The following RBFOX2 variants were observed in gnomAD, a reference collection of about 807,000 sequenced individuals.
RBFOX2 encodes the protein RNA binding fox-1 homolog 2.
A neutral mutation model predicts 49.1 loss-of-function variants in RBFOX2; 10 were observed. The ratio of observed to expected loss-of-function variants is 0.20; its 90% CI spans 0.13 to 0.35. RBFOX2 has a LOEUF of 0.35. RBFOX2 is among the 10% of genes least tolerant of loss of function. RBFOX2 has a pLI of 1.00. For synonymous variants in RBFOX2, 183 were observed against 187.4 expected (o/e 0.98, Z 0.19); for missense variants, 323 against 486.9 (o/e 0.66, Z 3.17).
At chr22:35,752,571 T>G in intron 9 of RBFOX2, 1 of 949,132 alleles carries the variant, frequency 1.1e-6, no homozygotes, top group Non-Finnish European at 1.3e-6. Flanking sequence ...TTCACTGCAA[T>G]CCACAATCTG....
At chr22:35,804,027 C>T (rs905115763) in intron 2 of RBFOX2, among the ~76,000 whole-genome samples, 23 of 152,164 alleles carry the variant, frequency 1.5e-4, no homozygotes, top group African/African-American at 5.6e-4. Flanking sequence ...TGCCTGTAAT[C>T]CCAGCACTTT....
rs531462754 is a variant in RBFOX2, at chr22:35,785,799, A to G, written c.253-4053T>C. ...GTTCTGTGAAAGTGTACGGTTTTCA[A>G]TTATCAGTCTTGGCACAATGCAGAC... On this transcript the variant is annotated intron_variant, in intron 2 of 11. Transcript: ENST00000405409. Among the ~76,000 whole-genome samples the G allele has an allele frequency of 6.6e-5, 10 of 152,340 alleles. No homozygotes were observed. The South Asian group carries it at 2.1e-3, about 32-fold the overall frequency.
intron 1 of RBFOX2, among the ~76,000 whole-genome samples, chr22:35,912,684 A>G (rs1479602433): frequency 6.6e-6 from 1 of 152,234 alleles, no homozygotes; most frequent in Admixed American, 6.5e-5. Flanking sequence ...TGTTAAACTT[A>G]TCATATAAAA....
chr22:35,885,700 CT>C (rs2046467506), intron 1 of RBFOX2, among the ~76,000 whole-genome samples: 1 of 151,956 alleles, frequency 6.6e-6, no homozygotes, highest in South Asian at 2.1e-4. Flanking sequence ...ACATAAGCTT[CT>C]GACTCTTACC....
chr22:35,994,410 TTTA>T (rs2058103578), intron 1 of RBFOX2: 1 of 150,826 alleles, frequency 6.6e-6, no homozygotes, highest in Non-Finnish European at 1.5e-5. Flanking sequence ...TATTTATTTA[TTTA>T]TTTATTTTTT....
At chr22:35,911,227 G>A (rs371590698) in intron 1 of RBFOX2, among the ~76,000 whole-genome samples, 18 of 152,150 alleles carry the variant, frequency 1.2e-4, no homozygotes, top group African/African-American at 4.3e-4. Context: ...CTATGGGTTG[G>A]GGGAAGGGAG....
chr22:35,890,463 C>T (rs983424525), intron 1 of RBFOX2, among the ~76,000 whole-genome samples: 4 of 152,088 alleles, frequency 2.6e-5, no homozygotes, highest in Non-Finnish European at 5.9e-5. Context: ...AAAAGTTACA[C>T]GAATGTGGTT....
At chr22:35,847,210 T>C (rs2041330026) in intron 1 of RBFOX2, among the ~76,000 whole-genome samples, 2 of 152,136 alleles carry the variant, frequency 1.3e-5, no homozygotes, top group Admixed American at 6.5e-5. Flanking sequence ...TTATAACTAA[T>C]AAAATAATCA....
chr22:35,864,453 A>C (rs1356283668), intron 1 of RBFOX2, among the ~76,000 whole-genome samples: 2 of 152,220 alleles, frequency 1.3e-5, no homozygotes, highest in African/African-American at 4.8e-5. Flanking sequence ...CAATAACTAG[A>C]GGGAACATAA....
At chr22:35,905,417 T>C (rs1289732019) in intron 1 of RBFOX2, among the ~76,000 whole-genome samples, 3 of 152,208 alleles carry the variant, frequency 2.0e-5, no homozygotes, top group Non-Finnish European at 4.4e-5. Flanking sequence ...GATACCTGTG[T>C]TAAAACCATT....
At chr22:35,985,882 AGATAGATAGATAGATAGATG>A (rs1235785586) in intron 1 of RBFOX2, among the ~76,000 whole-genome samples, 16 of 137,896 alleles carry the variant, frequency 1.2e-4, no homozygotes, top group East Asian at 6.6e-4. Flanking sequence ...CTCCATCTCT[AGATAGATAGATAGATAGATG>A]GATAGATAGA....
chr22:35,924,380 T>G (rs1263867485), intron 1 of RBFOX2, among the ~76,000 whole-genome samples: 3 of 152,220 alleles, frequency 2.0e-5, no homozygotes, highest in Non-Finnish European at 4.4e-5. Flanking sequence ...GATCCTAATG[T>G]AGTAATAGGA....
At chr22:35,886,136 G>A (rs1244193361) in intron 1 of RBFOX2, among the ~76,000 whole-genome samples, 2 of 151,978 alleles carry the variant, frequency 1.3e-5, no homozygotes, top group Admixed American at 6.6e-5. Flanking sequence ...GATTACAGGC[G>A]TGAGCCACCG....
At position 35,759,334 on chromosome 22, in the gene RBFOX2, T is replaced by C. The variant is rs941062798; in HGVS notation, c.887+554A>G. On this transcript the variant is annotated intron_variant, in intron 9 of 11. Coordinates refer to ENST00000405409, the Ensembl canonical transcript of RBFOX2. The surrounding 1 kb of genome is among the most constrained non-coding windows in gnomAD (Gnocchi z 4.6). Reference sequence around the variant, plus strand: ...CTTCTCCCTTTCTCCCTTGATTCAATTGGACTTGGTTCATCTTAGAATTAA... The same window carrying C: ...CTTCTCCCTTTCTCCCTTGATTCAACTGGACTTGGTTCATCTTAGAATTAA... Among the ~76,000 whole-genome samples, 4 of 152,134 alleles carry C rather than the reference T, an allele frequency of 2.6e-5. No individual in the cohort carries two copies. Among genetic ancestry groups the C allele is most frequent in the Non-Finnish European group, 4.4e-5 (3 of 68,024 alleles).
intron 1 of RBFOX2, among the ~76,000 whole-genome samples, chr22:35,980,903 T>G (rs2057424565): frequency 1.3e-5 from 2 of 152,110 alleles, no homozygotes; most frequent in Admixed American, 1.3e-4. Context: ...CAACCTGACT[T>G]TGCACGCTTA....
intron 1 of RBFOX2, chr22:35,961,459 C>T (rs2056197719): frequency 8.2e-7 from 1 of 1,219,752 alleles, no homozygotes; most frequent in African/African-American, 1.6e-5. Flanking sequence ...TCCACACGAC[C>T]GACCTCTCTG....
exon 12 of RBFOX2, chr22:35,740,728 G>C (rs1011656172): frequency 2.6e-5 from 4 of 152,452 alleles, no homozygotes; most frequent in African/African-American, 9.6e-5. Context: ...TCTCCTGCCA[G>C]AGGGAAGGGG....
intron 1 of RBFOX2, chr22:35,821,972 G>A (rs750365112): frequency 3.9e-6 from 2 of 518,722 alleles, no homozygotes; most frequent in African/African-American, 3.9e-5. Flanking sequence ...AGAAGCAATA[G>A]CTCTACACAA....
intron 1 of RBFOX2, among the ~76,000 whole-genome samples, chr22:35,823,338 GCC>G (rs1297712209): frequency 2.0e-5 from 3 of 152,196 alleles, no homozygotes; most frequent in Non-Finnish European, 4.4e-5. Flanking sequence ...CTAGCAAGCA[GCC>G]TCCTTGTATT....
Sources: gnomAD v4.1 joint callset for allele counts (sites outside exome capture counted in the v4.1 genomes callset) on GRCh38, gnomAD v4.1.1 for gene constraint, Gnocchi (gnomAD v3.1) non-coding constraint, MANE v1.5 for transcripts, NCBI Gene and HGNC (gene_info 2026-07-23, HGNC 2026-07-21) for gene names.